The following NDST1 variants were observed in gnomAD, a reference collection of about 807,000 sequenced individuals.
NDST1 encodes the protein bifunctional heparan sulfate N-deacetylase/N-sulfotransferase 1.
Under a neutral mutation model 92.8 loss-of-function variants are expected in NDST1, and 35 were observed. That is an observed-to-expected ratio of 0.38 (90% CI 0.29 to 0.50). NDST1 has a LOEUF of 0.50. Among genes scored for constraint, NDST1 ranks in the 20% least tolerant of loss-of-function variants. NDST1 has a pLI of 0.94. For missense variants in NDST1, 822 were observed against 1,182.7 expected (o/e 0.69, Z 4.47); for synonymous variants, 493 against 500.3 (o/e 0.99, Z 0.19).
At chr5:150,505,711 C>T (rs1271173683), upstream of NDST1, among the ~76,000 whole-genome samples, 1 of 152,160 alleles carries the variant, frequency 6.6e-6, no homozygotes, top group African/African-American at 2.4e-5. Flanking sequence ...CAGAATAACC[C>T]AGCTTAGATT....
In NDST1 at chr5:150,555,261, G is replaced by A. The variant is rs1755846475; in HGVS notation, c.*1929G>A. ...GGACAAACCACTCCTTCCCAGCCAG[G>A]GTGCCTTTGAGCCTTCTCATTCCGA... is the stretch of plus-strand genomic sequence containing the variant. On this transcript the variant is annotated 3_prime_UTR_variant, in exon 15 of 15. Coordinates refer to ENST00000261797, the MANE Select transcript of NDST1 (RefSeq NM_001543.5). 1 of 152,900 alleles carries A rather than the reference G, an allele frequency of 6.5e-6. No homozygotes were observed. Among genetic ancestry groups the A allele is most frequent in the Non-Finnish European group, 1.5e-5 (1 of 68,230 alleles). The allele number at this position is 152,900 out of a possible 1,614,324, so 9.5% of individuals were successfully genotyped here. A position where few individuals can be genotyped will look rare whatever the true frequency, so the allele number is the denominator to read the frequency against.
At chr5:150,549,904 G>C (rs927104278) in intron 13 of NDST1, 117 bp downstream of exon 13, 9 of 723,946 alleles carry the variant, frequency 1.2e-5, no homozygotes, top group Non-Finnish European at 2.0e-5. Context: ...AGAAAGTATG[G>C]AAAGTTATTA....
At position 150,528,068 on chromosome 5, in the gene NDST1, G is replaced by A. The variant is rs1460226885; in HGVS notation, c.778G>A (p.Ala260Thr). The A allele has an allele frequency of 6.2e-6, 10 of 1,613,552 alleles. No homozygotes were observed. Among genetic ancestry groups the A allele is most frequent in the Admixed American group, 1.7e-5 (1 of 59,972 alleles). ...CCTGGGCGCAGACGCCGGCCTGCATGCTGCACTGCACGCCACTGTGGTCCA... is the reference window on the plus strand; with the variant it reads ...CCTGGGCGCAGACGCCGGCCTGCATACTGCACTGCACGCCACTGTGGTCCA... ...PHLGADAGLH[A>T]ALHATVVQDL... The change falls in exon 3 of 15, where the codon GCT becomes ACT. Residue 260 changes from alanine to threonine, a missense_variant. Transcript: ENST00000261797.
chr5:150,510,615 G>A (rs947218891), intron 1 of NDST1, among the ~76,000 whole-genome samples: 1 of 152,170 alleles, frequency 6.6e-6, no homozygotes. Flanking sequence ...TTTTTTCAGA[G>A]CTGGTACAAA....
upstream of NDST1, among the ~76,000 whole-genome samples, chr5:150,503,394 C>T (rs1389552099): frequency 2.0e-5 from 3 of 152,034 alleles, no homozygotes; most frequent in East Asian, 5.8e-4. Flanking sequence ...TGTGGTGAGC[C>T]GAGATTGTGC....
chr5:150,519,785 T>C lies in NDST1; in HGVS notation c.-387-1083T>C, dbSNP rs576475929. 2.6e-5 allele frequency among the ~76,000 whole-genome samples: 4 copies of C among 152,216 alleles called. No individual in the cohort carries two copies. In the South Asian group the frequency reaches 8.3e-4, roughly 32 times the overall value. ...CTATTTAAGGGAGACTGGTAGACTG[T>C]GTTTGGGGTTGCTGTTTGGGATGAG... is the stretch of plus-strand genomic sequence containing the variant. On this transcript the variant is annotated intron_variant, in intron 1 of 14. Transcript: ENST00000261797.
chr5:150,501,312 AG>A (rs1404837798), intron 1 of NDST1, among the ~76,000 whole-genome samples: 1 of 152,184 alleles, frequency 6.6e-6, no homozygotes, highest in Non-Finnish European at 1.5e-5. Context: ...GATGCTGGAA[AG>A]GCCATGAAGG....
chr5:150,540,542 G>A (rs182880815), intron 8 of NDST1, among the ~76,000 whole-genome samples: 5 of 152,256 alleles, frequency 3.3e-5, no homozygotes, highest in Admixed American at 1.3e-4. Flanking sequence ...TGGGCTGGAC[G>A]CAGTGGTTCA....
At position 150,556,171 on chromosome 5, in the gene NDST1, C is replaced by T. The variant is rs1180638766; in HGVS notation, c.*2839C>T. 6.6e-6 allele frequency: 1 copy of T among 152,240 alleles called. No individual in the cohort carries two copies. Among genetic ancestry groups the T allele is most frequent in the Non-Finnish European group, 1.5e-5 (1 of 68,066 alleles). The allele number at this position is 152,240 out of a possible 1,614,324, so 9.4% of individuals were successfully genotyped here. Reference sequence around the variant, plus strand: ...GGCCAAAAAAAGGAGAGAGAAATAACTGAAATTGTTCAGGTGGCTCCATCG... The same window carrying T: ...GGCCAAAAAAAGGAGAGAGAAATAATTGAAATTGTTCAGGTGGCTCCATCG... On this transcript the variant is annotated 3_prime_UTR_variant, in exon 15 of 15. Transcript: ENST00000261797.
intron 14 of NDST1, 174 bp downstream of exon 14, chr5:150,552,029 C>T (rs1323681470): frequency 1.5e-6 from 1 of 665,774 alleles, no homozygotes; most frequent in Non-Finnish European, 1.9e-6. Context: ...GTGGGTCAGA[C>T]CTGATTTCGT....
In NDST1 at chr5:150,554,080, AG is replaced by A; in HGVS notation, c.*750del. 1 of 402,340 alleles carries A rather than the reference AG, an allele frequency of 2.5e-6. No homozygotes were observed. The highest frequency in any genetic ancestry group is 4.4e-6 in the Non-Finnish European group (1 of 228,150). 24.9% of individuals were successfully genotyped at this position (402,340 alleles called of 1,614,324 possible). Reference sequence around the variant, plus strand: ...TGGTGTTTCCTGTGGTAAAAGACTGAGGCAGGCCAGGGGTCTGCCAGTAACA... The same window carrying A: ...TGGTGTTTCCTGTGGTAAAAGACTGAGCAGGCCAGGGGTCTGCCAGTAACA... On this transcript the variant is annotated 3_prime_UTR_variant, in exon 15 of 15. Coordinates refer to ENST00000261797, the MANE Select transcript of NDST1 (RefSeq NM_001543.5).
chr5:150,515,320 T>C (rs1753908281), intron 1 of NDST1, among the ~76,000 whole-genome samples: 1 of 152,240 alleles, frequency 6.6e-6, no homozygotes, highest in South Asian at 2.1e-4. Context: ...GTTCTGACTT[T>C]TATATAAAAT....
chr5:150,521,798 C>T lies in NDST1; in HGVS notation c.513+31C>T, dbSNP rs751222556. On this transcript the variant is annotated intron_variant, in intron 2 of 14. Transcript: ENST00000261797. This position sits in a 1 kb window ranked among gnomAD's most constrained non-coding sequence, Gnocchi z 5.9. ...CAAGAAGCAGGGTCCCCGAGCAGTTCAGAGCCCCCTCTGCAGCTCAGTGCC... is the reference window on the plus strand; with the variant it reads ...CAAGAAGCAGGGTCCCCGAGCAGTTTAGAGCCCCCTCTGCAGCTCAGTGCC... 6.2e-6 allele frequency: 10 copies of T among 1,609,692 alleles called. No homozygotes were observed. In the Admixed American group the frequency reaches 1.2e-4, roughly 19 times the overall value.
In NDST1 at chr5:150,518,416, G is replaced by A. The variant is rs1456161528; in HGVS notation, c.-387-2452G>A. ...GAATATCAGAGGTGAAGGAGCCCCC[G>A]GAGATCACCTGCCCCAACCCCCTTG... On this transcript the variant is annotated intron_variant, in intron 1 of 14. Transcript: ENST00000261797. Among the ~76,000 whole-genome samples, 7 of 151,872 alleles carry A rather than the reference G, an allele frequency of 4.6e-5. No homozygotes were observed. The South Asian group carries it at 6.2e-4, about 13-fold the overall frequency.
At chr5:150,516,669 G>T (rs1753980139) in intron 1 of NDST1, among the ~76,000 whole-genome samples, 1 of 152,022 alleles carries the variant, frequency 6.6e-6, no homozygotes, top group African/African-American at 2.4e-5. Flanking sequence ...AAATTATTAT[G>T]ATATATATTT....
intron 4 of NDST1, among the ~76,000 whole-genome samples, chr5:150,533,944 G>A (rs115145395): frequency 0.022 from 3,367 of 151,740 alleles, 120 homozygotes; most frequent in African/African-American, 0.075. Context: ...ATAGCCCGGC[G>A]TGGTGGTGTG....
intron 11 of NDST1, among the ~76,000 whole-genome samples, chr5:150,546,287 C>T (rs533029493): frequency 1.4e-3 from 217 of 152,280 alleles, no homozygotes; most frequent in African/African-American, 4.3e-3. Context: ...TGAGCCACTG[C>T]GCCCAGCTGA....
intron 2 of NDST1, among the ~76,000 whole-genome samples, chr5:150,522,234 C>G (rs1487766228): frequency 6.6e-6 from 1 of 152,028 alleles, no homozygotes; most frequent in Non-Finnish European, 1.5e-5. Context: ...AGTTTGGGCT[C>G]TCTATCCCAT....
At chr5:150,545,798 A>G (rs1170790120) in intron 11 of NDST1, among the ~76,000 whole-genome samples, 1 of 152,180 alleles carries the variant, frequency 6.6e-6, no homozygotes, top group African/African-American at 2.4e-5. Context: ...ACAGCAATGC[A>G]GGATCATACT....
Sources: allele counts gnomAD v4.1 joint callset (sites outside exome capture counted in the v4.1 genomes callset), GRCh38; gene constraint gnomAD v4.1.1; non-coding constraint Gnocchi (gnomAD v3.1); transcripts MANE v1.5; gene names NCBI Gene and HGNC (gene_info 2026-07-23, HGNC 2026-07-21).